The following TMEM117 variants were observed in gnomAD, a reference collection of about 807,000 sequenced individuals.
TMEM117 encodes transmembrane protein 117.
TMEM117 carries 27 observed loss-of-function variants against 52.4 expected under a neutral mutation model. That is an observed-to-expected ratio of 0.51 (90% CI 0.38 to 0.71). The LOEUF is 0.71. Among genes scored for constraint, TMEM117 ranks in the 30% least tolerant of loss-of-function variants. The pLI, the probability that TMEM117 is intolerant of heterozygous loss-of-function variation, is 0.00. For synonymous variants in TMEM117, 215 were observed against 206.3 expected, an observed-to-expected ratio of 1.04 and a Z score of -0.36; for missense variants, 556 against 630.5, an observed-to-expected ratio of 0.88 and a Z score of 1.26.
intron 3 of TMEM117, among the ~76,000 whole-genome samples, chr12:44,000,572 T>C (rs555987248): frequency 1.7e-4 from 26 of 152,166 alleles, no homozygotes; most frequent in African/African-American, 5.8e-4. Context: ...TCAGAGGACT[T>C]TGGACAGGCC....
At chr12:43,952,818 G>T (rs928299530) in intron 3 of TMEM117, among the ~76,000 whole-genome samples, 2 of 151,976 alleles carry the variant, frequency 1.3e-5, no homozygotes, top group African/African-American at 2.4e-5. Context: ...TCCATGAAAA[G>T]ATCTACTCCA....
intron 3 of TMEM117, among the ~76,000 whole-genome samples, chr12:44,079,163 G>A (rs905128072): frequency 6.6e-6 from 1 of 152,048 alleles, no homozygotes; most frequent in Non-Finnish European, 1.5e-5. Flanking sequence ...GAATAGTGCT[G>A]CAATAAACAT....
chr12:44,380,617 A>G (rs1478475152), intron 7 of TMEM117, among the ~76,000 whole-genome samples: 2 of 152,170 alleles, frequency 1.3e-5, no homozygotes, highest in Non-Finnish European at 2.9e-5. Flanking sequence ...TTTCTCGTCT[A>G]TTTAATGGGC....
intron 4 of TMEM117, among the ~76,000 whole-genome samples, chr12:44,190,645 C>T (rs897318726): frequency 2.0e-5 from 3 of 151,940 alleles, no homozygotes; most frequent in East Asian, 1.9e-4. Flanking sequence ...ATCTTGAAAA[C>T]GTTGAAAGCC....
At chr12:44,190,309 A>C (rs1431573902) in intron 4 of TMEM117, among the ~76,000 whole-genome samples, 1 of 151,712 alleles carries the variant, frequency 6.6e-6, no homozygotes, top group Admixed American at 6.6e-5. Context: ...AAGCAAAAAT[A>C]AATTTTAGTA....
At chr12:44,359,149 A>G (rs1041014992) in intron 6 of TMEM117, among the ~76,000 whole-genome samples, 4 of 152,176 alleles carry the variant, frequency 2.6e-5, no homozygotes, top group South Asian at 4.1e-4. Context: ...ATAAGAGGAT[A>G]TAAGGTTAGA....
At chr12:44,383,771 C>T (rs1413001039) in intron 7 of TMEM117, among the ~76,000 whole-genome samples, 1 of 152,084 alleles carries the variant, frequency 6.6e-6, no homozygotes, top group Non-Finnish European at 1.5e-5. Flanking sequence ...TCTTTTTTGT[C>T]TTAAATCCTT....
chr12:43,829,458 G>T, the TMEM117 span, among the ~76,000 whole-genome samples: 1 of 152,186 alleles, frequency 6.6e-6, no homozygotes, highest in African/African-American at 2.4e-5. Flanking sequence ...TGATTGGGTG[G>T]TGTATTTGGT....
intron 3 of TMEM117, among the ~76,000 whole-genome samples, chr12:44,064,596 G>A (rs139141012): frequency 1.2e-3 from 190 of 152,138 alleles, no homozygotes; most frequent in African/African-American, 4.2e-3. Context: ...ATAATGACTC[G>A]TGATTAATTT....
At chr12:44,259,590 T>C (rs1396066943) in intron 5 of TMEM117, among the ~76,000 whole-genome samples, 1 of 152,162 alleles carries the variant, frequency 6.6e-6, no homozygotes, top group African/African-American at 2.4e-5. Flanking sequence ...ACAAGACTTC[T>C]CCAACCTTAG....
intron 6 of TMEM117, among the ~76,000 whole-genome samples, chr12:44,365,242 T>A (rs1001558176): frequency 2.0e-5 from 3 of 151,982 alleles, no homozygotes; most frequent in Non-Finnish European, 4.4e-5. Context: ...TCCTTCACTT[T>A]GCAATGTGTG....
Position 44,044,885 on chromosome 12 carries a change from T to C in TMEM117, c.411-98640T>C, listed in dbSNP as rs570248648. Among the ~76,000 whole-genome samples the C allele has an allele frequency of 3.9e-5, 6 of 152,348 alleles. No homozygotes were observed. In the East Asian group the frequency reaches 1.2e-3, roughly 29 times the overall value. On this transcript the variant is annotated intron_variant, in intron 3 of 7. Coordinates refer to ENST00000266534, the MANE Select transcript of TMEM117 (RefSeq NM_032256.3). ...TGCAGTTATATACTGATTCATGGGCTGTAGCCAATGGTTTAGAACTTGGAA... is the reference window on the plus strand; with the variant it reads ...TGCAGTTATATACTGATTCATGGGCCGTAGCCAATGGTTTAGAACTTGGAA...
intron 3 of TMEM117, among the ~76,000 whole-genome samples, chr12:44,023,522 T>G (rs1353597789): frequency 6.6e-6 from 1 of 152,106 alleles, no homozygotes; most frequent in Non-Finnish European, 1.5e-5. Context: ...CCATTCTAAC[T>G]GGTGTGAGAT....
intron 3 of TMEM117, among the ~76,000 whole-genome samples, chr12:44,018,139 T>A (rs982998122): frequency 5.3e-5 from 8 of 152,172 alleles, no homozygotes; most frequent in African/African-American, 1.7e-4. Flanking sequence ...ACAACCTTTT[T>A]CTGCCTTTGT....
chr12:43,903,248 T>A (rs1208116224), intron 2 of TMEM117, among the ~76,000 whole-genome samples: 2 of 152,222 alleles, frequency 1.3e-5, no homozygotes, highest in African/African-American at 4.8e-5. Context: ...ATTTTTCTAG[T>A]GTGCTGGATG....
intron 3 of TMEM117, among the ~76,000 whole-genome samples, chr12:44,013,062 A>G (rs1181294201): frequency 2.7e-5 from 4 of 147,952 alleles, no homozygotes; most frequent in Non-Finnish European, 5.9e-5. Flanking sequence ...TCACTTTGTC[A>G]CCCAAGCTCA....
At chr12:44,335,224 G>A (rs2138735461) in intron 6 of TMEM117, among the ~76,000 whole-genome samples, 1 of 152,132 alleles carries the variant, frequency 6.6e-6, no homozygotes. Context: ...TGAAAATTCA[G>A]AGGAGTGTAG....
intron 2 of TMEM117, among the ~76,000 whole-genome samples, chr12:43,853,271 C>T (rs574770230): frequency 1.3e-5 from 2 of 152,176 alleles, no homozygotes; most frequent in African/African-American, 4.8e-5. Context: ...GTTGTCTTTG[C>T]CAGTGTTACC....
At chr12:44,044,962 G>T (rs150062497) in intron 3 of TMEM117, among the ~76,000 whole-genome samples, 6,419 of 151,940 alleles carry the variant, frequency 0.042, 186 homozygotes, top group South Asian at 0.084. Flanking sequence ...TGGTGACAAA[G>T]AAATTTGGGG....
Sources: gnomAD v4.1 joint callset for allele counts (sites outside exome capture counted in the v4.1 genomes callset) on GRCh38, gnomAD v4.1.1 for gene constraint, MANE v1.5 for transcripts, NCBI Gene and HGNC (gene_info 2026-07-23, HGNC 2026-07-21) for gene names.